The following ECPAS variants were observed in gnomAD, a reference collection of about 807,000 sequenced individuals.
ECPAS encodes Ecm29 proteasome adaptor and scaffold.
A neutral mutation model predicts 255.1 loss-of-function variants in ECPAS; 70 were observed. That is an observed-to-expected ratio of 0.27 (90% confidence interval 0.23 to 0.33). ECPAS has a LOEUF of 0.33. Among genes scored for constraint, ECPAS ranks in the 10% least tolerant of loss-of-function variants. The pLI is 1.00. For missense variants in ECPAS, 1,817 were observed against 2,206.4 expected, an observed-to-expected ratio of 0.82 and a Z score of 3.54; for synonymous variants, 784 against 775.0, an observed-to-expected ratio of 1.01 and a Z score of -0.19.
chr9:111,484,307 T>C lies in ECPAS; in HGVS notation c.-274A>G, dbSNP rs778063829. On this transcript the variant is annotated 5_prime_UTR_variant, in exon 1 of 50. Coordinates refer to ENST00000684092, the MANE Select transcript of ECPAS (RefSeq NM_001364929.1). ...TCGAGGCGGGGCCGGAGCGCCCTTT[T>C]CCGAGGTCTGCGGCTGTCACGTTGG... 2.1e-5 allele frequency: 33 copies of C among 1,575,290 alleles called. No individual in the cohort carries two copies. The Admixed American group carries it at 6.0e-4, about 28-fold the overall frequency.
At chr9:111,398,971 T>C (rs1003861876) in intron 24 of ECPAS, among the ~76,000 whole-genome samples, 3 of 152,168 alleles carry the variant, frequency 2.0e-5, no homozygotes, top group Admixed American at 2.0e-4. Flanking sequence ...CTACTACTCT[T>C]TGATAGCAAA....
chr9:111,439,221 A>C (rs1335238065), intron 6 of ECPAS, among the ~76,000 whole-genome samples: 1 of 152,202 alleles, frequency 6.6e-6, no homozygotes. Flanking sequence ...TTTGTCAGAG[A>C]CAAACGGAGT....
chr9:111,433,607 T>C (rs746263930), intron 7 of ECPAS, among the ~76,000 whole-genome samples: 2 of 152,148 alleles, frequency 1.3e-5, no homozygotes, highest in Non-Finnish European at 2.9e-5. Flanking sequence ...TAGCTAAAAA[T>C]ACCGAGGCAA....
rs2098146689 is a variant in ECPAS at position 111,385,425 on chromosome 9, T to G, written c.3545A>C (p.Asp1182Ala). ...VRESSCLALN[D>A]LLRGRPLDDI... ...ATCTAAGGGTCTTCCTCTCAATAAA[T>G]CATTCAAAGCTAAACAGCTGAAAAT... is the stretch of plus-strand genomic sequence containing the variant. Residue 1182 changes from aspartate (D) to alanine (A), a missense_variant, in exon 33 of 50, where the codon GAT becomes GCT. By Grantham distance (126) the Asp-to-Ala change is moderately radical. Around this residue, in one of 4 missense-constraint regions of ECPAS, gnomAD observed 960 missense variants for 1,179.0 expected, o/e 0.81. Transcript: ENST00000684092. 3.8e-6 allele frequency: 6 copies of G among 1,565,550 alleles called. No individual in the cohort carries two copies. Among genetic ancestry groups the G allele is most frequent in the Non-Finnish European group, 5.2e-6 (6 of 1,152,816 alleles).
chr9:111,413,635 CA>C (rs199539073), intron 20 of ECPAS, among the ~76,000 whole-genome samples: 29 of 134,446 alleles, frequency 2.2e-4, no homozygotes, highest in South Asian at 1.2e-3. Context: ...CTTATTTTTT[CA>C]AAAAAAAAAA....
intron 23 of ECPAS, among the ~76,000 whole-genome samples, chr9:111,409,197 T>C (rs893827834): frequency 1.3e-5 from 2 of 152,194 alleles, no homozygotes; most frequent in African/African-American, 4.8e-5. Context: ...GATTAGTTAA[T>C]AGCTAATAAA....
chr9:111,425,516 A>G lies in ECPAS; in HGVS notation c.1137-20T>C, dbSNP rs1259182416. On this transcript the variant is annotated intron_variant, in intron 11 of 49. Coordinates refer to ENST00000684092, the MANE Select transcript of ECPAS (RefSeq NM_001364929.1). ...GGACAGCTTTAAATAAAACACACAT[A>G]CACAAAGCAAGATAAGAATCTCATG... The G allele has an allele frequency of 1.4e-5, 21 of 1,521,060 alleles. No individual in the cohort carries two copies. Among genetic ancestry groups the G allele is most frequent in the Non-Finnish European group, 1.8e-5 (20 of 1,123,004 alleles). 94.2% of individuals were successfully genotyped at this position (1,521,060 alleles called of 1,614,324 possible).
Position 111,391,786 on chromosome 9 carries a change from T to G in ECPAS, c.3131A>C (p.Gln1044Pro). 1 of 1,609,498 alleles carries G rather than the reference T, an allele frequency of 6.2e-7. No individual in the cohort carries two copies. The highest frequency in any genetic ancestry group is 1.3e-5 in the African/African-American group (1 of 74,986). Residue 1044 changes from glutamine to proline, a missense_variant, in exon 29 of 50, where the codon CAA becomes CCA. Physicochemically the swap from Gln to Pro is moderately conservative, Grantham distance 76. Transcript: ENST00000684092. ...TGGTGTTTTGCCAAGAGCTCCCCCT[T>G]GAAATACCACTGTCTCTCCAGAAAC... ...HEVSGETVVF[Q>P]GGALGKTPDG...
chr9:111,478,332 G>C (rs1589245793), intron 1 of ECPAS, among the ~76,000 whole-genome samples: 2 of 151,516 alleles, frequency 1.3e-5, no homozygotes, highest in African/African-American at 2.4e-5. Flanking sequence ...TTCGAGACCA[G>C]CCTGGCCAAC....
intron 26 of ECPAS, 84 bp downstream of exon 26, chr9:111,394,076 A>G (rs2098164159): frequency 7.7e-7 from 1 of 1,291,684 alleles, no homozygotes; most frequent in Non-Finnish European, 1.0e-6. Flanking sequence ...ACTATTGGTT[A>G]ATGACCTTCA....
chr9:111,413,916 T>C lies in ECPAS; in HGVS notation c.2058A>G (p.Val686=). Reference sequence around the variant, plus strand: ...ATACCTTTATCCATTCTGTTTTGTCTACAAATTTGGTAGCCAGCTTTTCTG... The same window carrying C: ...ATACCTTTATCCATTCTGTTTTGTCCACAAATTTGGTAGCCAGCTTTTCTG... ...VYPEKLATKF[V]DKTEWIKSLM... The change falls in exon 20 of 50, where the codon GTA becomes GTG. Residue 686 remains valine (V), a synonymous_variant. Coordinates refer to ENST00000684092, the MANE Select transcript of ECPAS (RefSeq NM_001364929.1). The C allele has an allele frequency of 6.3e-7, 1 of 1,581,442 alleles. No homozygotes were observed.
intron 35 of ECPAS, among the ~76,000 whole-genome samples, chr9:111,379,468 C>G (rs1359332132): frequency 1.3e-5 from 2 of 152,162 alleles, no homozygotes; most frequent in Non-Finnish European, 2.9e-5. Flanking sequence ...GGTGGAGGGT[C>G]CTACCTCAAT....
chr9:111,432,331 T>G (rs2098231203), intron 8 of ECPAS, among the ~76,000 whole-genome samples: 2 of 152,128 alleles, frequency 1.3e-5, no homozygotes, highest in African/African-American at 4.8e-5. Flanking sequence ...ATAGCAGTTT[T>G]GGCCAGGCGT....
chr9:111,421,629 C>G (rs1210146094), intron 15 of ECPAS, among the ~76,000 whole-genome samples: 1 of 152,092 alleles, frequency 6.6e-6, no homozygotes, highest in African/African-American at 2.4e-5. Flanking sequence ...CCCCAGCGGA[C>G]AGTAGTGCTC....
chr9:111,455,640 A>T (rs2131987305), intron 2 of ECPAS, among the ~76,000 whole-genome samples: 2 of 152,348 alleles, frequency 1.3e-5, no homozygotes, highest in South Asian at 4.1e-4. Flanking sequence ...GTTTATGCTG[A>T]ACATCAGCTT....
intron 1 of ECPAS, among the ~76,000 whole-genome samples, chr9:111,473,426 T>C (rs1032760041): frequency 2.6e-5 from 4 of 152,200 alleles, no homozygotes; most frequent in African/African-American, 7.2e-5. Flanking sequence ...AGAACGCAAA[T>C]GGCTGACAGA....
chr9:111,373,166 G>A lies in ECPAS; in HGVS notation c.4336+4C>T, dbSNP rs758834251. On this transcript the variant is annotated splice_donor_region_variant and intron_variant, in intron 41 of 49. Coordinates refer to ENST00000684092, the MANE Select transcript of ECPAS (RefSeq NM_001364929.1). ...AATGACATAAAATAGAAAAAGAAAG[G>A]TACCTTCTTTCTCCATATACCACCC... The A allele has an allele frequency of 1.2e-5, 20 of 1,610,282 alleles. No individual in the cohort carries two copies. The highest frequency in any genetic ancestry group is 2.7e-5 in the African/African-American group (2 of 74,798).
At position 111,436,889 on chromosome 9, in the gene ECPAS, G is replaced by A. The variant is rs1045367962; in HGVS notation, c.708+51C>T. 8.9e-6 allele frequency: 13 copies of A among 1,460,128 alleles called. No homozygotes were observed. In the African/African-American group the frequency reaches 1.6e-4, roughly 18 times the overall value. 90.4% of individuals were successfully genotyped at this position (1,460,128 alleles called of 1,614,324 possible). ...TTTTATACGGTTCATGAACTTCATA[G>A]GGGAAAGTGTCCACAATCAACTACT... is the stretch of plus-strand genomic sequence containing the variant. On this transcript the variant is annotated intron_variant, in intron 7 of 49. Transcript: ENST00000684092.
chr9:111,407,325 C>G (rs2098185648), intron 24 of ECPAS, among the ~76,000 whole-genome samples: 1 of 133,942 alleles, frequency 7.5e-6, no homozygotes, highest in Admixed American at 8.0e-5. Flanking sequence ...TCGCTTGAAC[C>G]CGGGAGGTGG....
Sources: gnomAD v4.1 joint callset for allele counts (sites outside exome capture counted in the v4.1 genomes callset) on GRCh38, gnomAD v4.1.1 for gene constraint, gnomAD v4.1.1 regional missense constraint, MANE v1.5 for transcripts, NCBI Gene and HGNC (gene_info 2026-07-23, HGNC 2026-07-21) for gene names.